The following TMEM131 variants were observed in gnomAD, a reference collection of about 807,000 sequenced individuals.
The protein encoded by TMEM131 is transmembrane protein 131.
In TMEM131, 66 loss-of-function variants were observed where a neutral mutation model predicts 211.6. The observed-to-expected ratio is 0.31, with a 90% CI of 0.26 to 0.38. TMEM131 has a LOEUF of 0.38. Ranked by LOEUF, TMEM131 falls within the 10% of genes least tolerant of loss-of-function variation. The probability of loss-of-function intolerance (pLI) is 1.00; values close to 1 mark genes in which losing one functional copy is unlikely to be tolerated. For missense variants in TMEM131, 2,036 were observed against 2,299.3 expected, an observed-to-expected ratio of 0.89 and a Z score of 2.34; for synonymous variants, 844 against 841.3, an observed-to-expected ratio of 1.00 and a Z score of -0.06.
chr2:97,983,029 A>C (rs1679863242), intron 1 of TMEM131, among the ~76,000 whole-genome samples: 1 of 152,108 alleles, frequency 6.6e-6, no homozygotes, highest in South Asian at 2.1e-4. Flanking sequence ...ACCAATCGTT[A>C]CCTCCTCCTC....
chr2:97,866,443 T>G (rs1239938487), intron 4 of TMEM131, among the ~76,000 whole-genome samples: 3 of 152,370 alleles, frequency 2.0e-5, no homozygotes, highest in Middle Eastern at 3.4e-3. Context: ...CTGGTCAGTA[T>G]AGCTAAAGGT....
chr2:97,775,871 T>C lies in TMEM131; in HGVS notation c.4292A>G (p.Asn1431Ser), dbSNP rs778521058. The change falls in exon 32 of 41, where the codon AAC becomes AGC. Residue 1431 changes from asparagine (N) to serine (S), a missense_variant. Around this residue, in one of 3 missense-constraint regions of TMEM131, gnomAD observed 1,623 missense variants for 1,805.9 expected, o/e 0.90. Transcript: ENST00000186436. Reference sequence around the variant, plus strand: ...CTTGAGGAGCGGTTCTGTGTCAGGGTTGGAGGTCTCTGTGGTGGTGGAGGA... The same window carrying C: ...CTTGAGGAGCGGTTCTGTGTCAGGGCTGGAGGTCTCTGTGGTGGTGGAGGA... ...DSSSTTTETS[N>S]PDTEPLLKED... The C allele has an allele frequency of 3.7e-6, 6 of 1,613,920 alleles. No individual in the cohort carries two copies. Among genetic ancestry groups the C allele is most frequent in the Middle Eastern group, 1.6e-4 (1 of 6,062 alleles).
At chr2:97,778,382 C>G (rs1389759619) in intron 31 of TMEM131, among the ~76,000 whole-genome samples, 3 of 152,144 alleles carry the variant, frequency 2.0e-5, no homozygotes, top group Non-Finnish European at 4.4e-5. Flanking sequence ...GAAACCTCAT[C>G]TCTACTAAAA....
intron 5 of TMEM131, among the ~76,000 whole-genome samples, chr2:97,856,147 T>C (rs11680883): frequency 0.27 from 41,189 of 152,084 alleles, 7,832 homozygotes; most frequent in Non-Finnish European, 0.39. Context: ...TGGACTTGTA[T>C]AGAATATTAT....
intron 29 of TMEM131, among the ~76,000 whole-genome samples, chr2:97,794,282 C>T (rs573436448): frequency 3.3e-5 from 5 of 152,028 alleles, no homozygotes; most frequent in African/African-American, 1.2e-4. Flanking sequence ...GTGATCTGCC[C>T]GCCTCGGCCT....
chr2:97,861,493 T>C (rs1674066545), intron 4 of TMEM131, among the ~76,000 whole-genome samples: 1 of 151,724 alleles, frequency 6.6e-6, no homozygotes, highest in Non-Finnish European at 1.5e-5. Flanking sequence ...CCCAATTCCC[T>C]GAAGGGTGAG....
Position 97,899,709 on chromosome 2 carries a change from C to T in TMEM131, c.290+8949G>A, listed in dbSNP as rs149909656. On this transcript the variant is annotated intron_variant, in intron 3 of 40. Transcript: ENST00000186436. ...AATGTCAGCATTTACTTTTGACTCA[C>T]CAACCCCACTTCCAGGAATTTATCC... Among the ~76,000 whole-genome samples, 420 of 152,222 alleles carry T rather than the reference C, an allele frequency of 2.8e-3. 1 individual carries two copies. Among genetic ancestry groups the T allele is most frequent in the Admixed American group, 6.8e-3 (104 of 15,266 alleles).
At chr2:97,821,933 A>G (rs541603028) in intron 11 of TMEM131, among the ~76,000 whole-genome samples, 4 of 152,260 alleles carry the variant, frequency 2.6e-5, no homozygotes, top group Admixed American at 1.3e-4. Flanking sequence ...CAGAGAGGAA[A>G]GCCATTCAGC....
intron 2 of TMEM131, among the ~76,000 whole-genome samples, chr2:97,924,558 CCCA>C (rs1676899567): frequency 6.6e-6 from 1 of 152,188 alleles, no homozygotes; most frequent in African/African-American, 2.4e-5. Flanking sequence ...GGCCCCTGTC[CCCA>C]CCACATCCCA....
intron 33 of TMEM131, among the ~76,000 whole-genome samples, chr2:97,769,664 A>G (rs920454417): frequency 6.6e-6 from 1 of 152,254 alleles, no homozygotes; most frequent in Non-Finnish European, 1.5e-5. Context: ...TTATGTAAAC[A>G]TATACTGTTG....
chr2:97,954,806 CAAAAAAAAAA>C (rs778680522), intron 1 of TMEM131, among the ~76,000 whole-genome samples: 1 of 37,056 alleles, frequency 2.7e-5, no homozygotes, highest in Non-Finnish European at 4.7e-5. Context: ...AACTCCATCT[CAAAAAAAAAA>C]AAAAAAAAAA....
At position 97,809,700 on chromosome 2, in the gene TMEM131, T is replaced by C. The variant is rs771274654; in HGVS notation, c.2043A>G (p.Pro681=). ...LTCFPKHVVL[P]PSFPGKIVHQ... ...TTAATGGTCTTACTGGAAAGGAAGG[T>C]GGAAGAACCACGTGCTTAGGGAAGC... The change falls in exon 19 of 41, where the codon CCA becomes CCG. Residue 681 remains proline (P), a synonymous_variant. Transcript: ENST00000186436. 1.2e-6 allele frequency: 2 copies of C among 1,610,154 alleles called. No homozygotes were observed. Among genetic ancestry groups the C allele is most frequent in the Non-Finnish European group, 1.7e-6 (2 of 1,178,270 alleles).
chr2:97,964,173 T>A (rs962210050), intron 1 of TMEM131, among the ~76,000 whole-genome samples: 1 of 152,200 alleles, frequency 6.6e-6, no homozygotes, highest in Non-Finnish European at 1.5e-5. Flanking sequence ...AGAAATCTCC[T>A]ATGTCCCCAG....
At chr2:97,820,628 G>A (rs937459329) in intron 11 of TMEM131, among the ~76,000 whole-genome samples, 2 of 152,122 alleles carry the variant, frequency 1.3e-5, no homozygotes, top group African/African-American at 4.8e-5. Flanking sequence ...GGAGGCCAAG[G>A]CACGTGGATC....
intron 4 of TMEM131, among the ~76,000 whole-genome samples, chr2:97,887,071 G>A (rs1675192808): frequency 1.3e-5 from 2 of 152,168 alleles, no homozygotes; most frequent in African/African-American, 4.8e-5. Flanking sequence ...GACCCATGGG[G>A]CTGTTTCTCA....
chr2:97,799,219 T>C (rs1419045755), intron 25 of TMEM131, among the ~76,000 whole-genome samples: 2 of 152,052 alleles, frequency 1.3e-5, no homozygotes, highest in African/African-American at 4.8e-5. Context: ...AAAGCAGTGG[T>C]ATCAAACTTT....
At chr2:97,932,628 C>G (rs1677277501) in intron 1 of TMEM131, among the ~76,000 whole-genome samples, 1 of 152,074 alleles carries the variant, frequency 6.6e-6, no homozygotes, top group African/African-American at 2.4e-5. Flanking sequence ...TCACCTTATC[C>G]TAAAGAATCT....
intron 11 of TMEM131, among the ~76,000 whole-genome samples, chr2:97,829,881 G>T (rs915962262): frequency 3.3e-5 from 5 of 152,068 alleles, no homozygotes; most frequent in Non-Finnish European, 1.5e-5. Context: ...AGTGTTATCA[G>T]CCTGTACAAC....
chr2:97,911,405 A>G (rs1006620683), intron 2 of TMEM131, among the ~76,000 whole-genome samples: 1 of 152,202 alleles, frequency 6.6e-6, no homozygotes, highest in African/African-American at 2.4e-5. Context: ...CCAACTTTTT[A>G]AATTACATAA....
Sources: gnomAD v4.1 joint callset for allele counts (sites outside exome capture counted in the v4.1 genomes callset) on GRCh38, gnomAD v4.1.1 for gene constraint, gnomAD v4.1.1 regional missense constraint, MANE v1.5 for transcripts, NCBI Gene and HGNC (gene_info 2026-07-23, HGNC 2026-07-21) for gene names.